Variants in POU2AF3 observed in about 807,000 individuals in gnomAD.
POU2AF3 encodes the protein cancer susceptibility candidate 13.
chr11:111,300,093 A>G, the POU2AF3 span: 1 of 385,512 alleles, frequency 2.6e-6, no homozygotes, highest in Non-Finnish European at 4.6e-6. Context: ...AGCCGCCATA[A>G]TCAGAGAAAG....
the POU2AF3 span, chr11:111,307,950 G>A: frequency 7.6e-3 from 7,164 of 948,550 alleles, 38 homozygotes; most frequent in Non-Finnish European, 9.4e-3. Context: ...GTGTTGTTTC[G>A]TTTGATTTGG....
chr11:111,303,560 A>G, the POU2AF3 span, among the ~76,000 whole-genome samples: 1 of 152,146 alleles, frequency 6.6e-6, no homozygotes, highest in African/African-American at 2.4e-5. Context: ...AATCCGGGGG[A>G]GGAATGGAGT....
At chr11:111,307,890 A>G in the POU2AF3 span, among the ~76,000 whole-genome samples, 2 of 152,012 alleles carry the variant, frequency 1.3e-5, no homozygotes, top group South Asian at 2.1e-4. Flanking sequence ...TTGTGGTGTC[A>G]TGAAATCATG....
chr11:111,300,732 C>A, the POU2AF3 span: 1 of 454,154 alleles, frequency 2.2e-6, no homozygotes, highest in Admixed American at 4.6e-5. Context: ...ATTCCCAGAC[C>A]TGGCCTTCCT....
the POU2AF3 span, chr11:111,300,674 G>C: frequency 1.0e-6 from 1 of 960,192 alleles, no homozygotes; most frequent in South Asian, 5.3e-5. Flanking sequence ...CTCTTTCAAA[G>C]CTGTGTCTGC....
the POU2AF3 span, among the ~76,000 whole-genome samples, chr11:111,302,409 G>A: frequency 3.3e-5 from 5 of 152,094 alleles, no homozygotes; most frequent in Admixed American, 6.5e-5. Context: ...AAAATGTAAC[G>A]TTTCCTTAAG....
chr11:111,301,935 C>T, the POU2AF3 span, among the ~76,000 whole-genome samples: 7 of 152,212 alleles, frequency 4.6e-5, no homozygotes, highest in South Asian at 1.2e-3. Context: ...TGCGAGCCAG[C>T]TGCAATTTGG....
the POU2AF3 span, among the ~76,000 whole-genome samples, chr11:111,303,195 G>A: frequency 1.8e-4 from 28 of 152,250 alleles, no homozygotes; most frequent in East Asian, 4.4e-3. Context: ...TGGAACACTC[G>A]ATTTTAAAAA....
chr11:111,299,500 G>T, the POU2AF3 span: 1 of 1,138,852 alleles, frequency 8.8e-7, no homozygotes, highest in Admixed American at 4.9e-5. Flanking sequence ...GCGCTCAGGG[G>T]TCCCTCCCAG....
chr11:111,299,472 A>C, the POU2AF3 span: 6 of 1,093,038 alleles, frequency 5.5e-6, no homozygotes, highest in East Asian at 2.6e-4. Context: ...CCCGGGGCTG[A>C]GGCTGCCCCT....
the POU2AF3 span, chr11:111,298,796 T>G: frequency 8.3e-7 from 1 of 1,199,702 alleles, no homozygotes; most frequent in Non-Finnish European, 1.0e-6. Flanking sequence ...AGAGGCCGAG[T>G]TGGCCGCTCC....
the POU2AF3 span, among the ~76,000 whole-genome samples, chr11:111,303,525 T>G: frequency 6.6e-6 from 1 of 152,012 alleles, no homozygotes; most frequent in Admixed American, 6.5e-5. Context: ...GGAGATAACA[T>G]GGGGTGGAGG....
At chr11:111,302,467 C>T in the POU2AF3 span, among the ~76,000 whole-genome samples, 1 of 152,136 alleles carries the variant, frequency 6.6e-6, no homozygotes, top group African/African-American at 2.4e-5. Flanking sequence ...CTGGAGAGCC[C>T]CATGTGAGTG....
the POU2AF3 span, chr11:111,306,671 G>A: frequency 7.3e-7 from 1 of 1,375,780 alleles, no homozygotes; most frequent in Non-Finnish European, 1.0e-6. Context: ...TAACTATGGG[G>A]TAATAGTGCT....
chr11:111,304,782 A>AC, the POU2AF3 span: 1 of 431,946 alleles, frequency 2.3e-6, no homozygotes, highest in Non-Finnish European at 3.9e-6. Context: ...AACATTGAAA[A>AC]AAAAAAAGAA....
At chr11:111,306,421 C>G in the POU2AF3 span, 1 of 1,468,416 alleles carries the variant, frequency 6.8e-7, no homozygotes, top group East Asian at 2.5e-5. Context: ...GAACCAATTT[C>G]TTCCACGCCC....
At chr11:111,301,146 A>G in the POU2AF3 span, among the ~76,000 whole-genome samples, 1 of 152,200 alleles carries the variant, frequency 6.6e-6, no homozygotes, top group Non-Finnish European at 1.5e-5. Context: ...CTGTCTCTGC[A>G]GAAGAGACAG....
the POU2AF3 span, among the ~76,000 whole-genome samples, chr11:111,301,730 G>T: frequency 2.0e-5 from 3 of 152,160 alleles, no homozygotes; most frequent in African/African-American, 4.8e-5. Context: ...TTTTGTGAGG[G>T]TTAATCGAGT....
the POU2AF3 span, chr11:111,298,826 G>GCGGGGGCGCC: frequency 1.3e-6 from 1 of 790,962 alleles, no homozygotes; most frequent in Non-Finnish European, 1.7e-6. Context: ...CGTACCCCAG[G>GCGGGGGCGCC]CCCCCGCCCG....
Sources: allele counts gnomAD v4.1 joint callset (sites outside exome capture counted in the v4.1 genomes callset), GRCh38; gene constraint gnomAD v4.1.1; transcripts MANE v1.5; gene names NCBI Gene and HGNC (gene_info 2026-07-23, HGNC 2026-07-21).